LIN7A: variants seen among roughly 807,000 people sequenced by gnomAD.
LIN7A encodes the protein lin-7 cell polarity scaffold A.
LIN7A carries 25 observed loss-of-function variants against 29.8 expected under a neutral mutation model. That is an observed-to-expected ratio of 0.84 (90% CI 0.61 to 1.17). The LOEUF is 1.17. Ranked by LOEUF, LIN7A falls within the 50% of genes most tolerant of loss-of-function variation. The pLI, the probability that LIN7A is intolerant of heterozygous loss-of-function variation, is 0.00. For synonymous variants in LIN7A, 118 were observed against 107.5 expected, an observed-to-expected ratio of 1.10 and a Z score of -0.60; for missense variants, 239 against 287.0, an observed-to-expected ratio of 0.83 and a Z score of 1.21.
At chr12:80,826,814 C>T (rs1231586125) in intron 4 of LIN7A, among the ~76,000 whole-genome samples, 1 of 152,090 alleles carries the variant, frequency 6.6e-6, no homozygotes, top group African/African-American at 2.4e-5. Context: ...TGAGCCACCA[C>T]CCCTGGCTGA....
At chr12:80,935,064 A>T (rs1305078899) in intron 1 of LIN7A, among the ~76,000 whole-genome samples, 8 of 152,174 alleles carry the variant, frequency 5.3e-5, no homozygotes, top group African/African-American at 1.9e-4. Context: ...CTAGGAAATC[A>T]CTATATTTTA....
At chr12:80,842,623 T>C (rs1872874732) in intron 4 of LIN7A, among the ~76,000 whole-genome samples, 2 of 129,704 alleles carry the variant, frequency 1.5e-5, no homozygotes, top group South Asian at 4.6e-4. Flanking sequence ...GGCCTTTCCA[T>C]TACAGATTTT....
chr12:80,934,006 C>A (rs1234275554), intron 1 of LIN7A, among the ~76,000 whole-genome samples: 1 of 152,064 alleles, frequency 6.6e-6, no homozygotes, highest in Non-Finnish European at 1.5e-5. Flanking sequence ...GTCTGGTGCA[C>A]AATATTTATT....
intron 1 of LIN7A, among the ~76,000 whole-genome samples, chr12:80,913,170 A>C (rs971807666): frequency 6.6e-6 from 1 of 152,204 alleles, no homozygotes; most frequent in Non-Finnish European, 1.5e-5. Context: ...GACCTTGAAA[A>C]TGCATCTACA....
At chr12:80,862,842 T>C (rs145616206) in intron 2 of LIN7A, among the ~76,000 whole-genome samples, 1 of 152,284 alleles carries the variant, frequency 6.6e-6, no homozygotes, top group African/African-American at 2.4e-5. Context: ...GTGCATACAT[T>C]AGATGACTCA....
chr12:80,864,611 G>A (rs1012677086), intron 2 of LIN7A, among the ~76,000 whole-genome samples: 1 of 152,100 alleles, frequency 6.6e-6, no homozygotes, highest in Non-Finnish European at 1.5e-5. Flanking sequence ...TAGCAGAGAT[G>A]CTAACTCATT....
In LIN7A at chr12:80,794,933, G is replaced by A. The variant is rs1385238958; in HGVS notation, c.*2794C>T. 1 of 151,992 alleles carries A rather than the reference G, an allele frequency of 6.6e-6. No homozygotes were observed. Among genetic ancestry groups the A allele is most frequent in the Non-Finnish European group, 1.5e-5 (1 of 67,958 alleles). The allele number at this position is 151,992 out of a possible 1,614,324, so 9.4% of individuals were successfully genotyped here. The stretch of plus-strand genomic sequence containing the variant: ...GTATTTGCCTTCAAAATCATAGCAG[G>A]AAAAAGTTTAGAAAAATCTATCCCA... On this transcript the variant is annotated 3_prime_UTR_variant, in exon 6 of 6. Coordinates refer to ENST00000552864, the MANE Select transcript of LIN7A (RefSeq NM_004664.4).
rs59507364 is a variant in LIN7A at position 80,869,748 on chromosome 12, G to GT, written c.201+19502dup. Among the ~76,000 whole-genome samples the GT allele has an allele frequency of 3.3e-3, 487 of 146,472 alleles. 1 individual carries two copies. The highest frequency in any genetic ancestry group is 9.2e-3 in the South Asian group (42 of 4,588). Reference sequence around the variant, plus strand: ...ATAACTCAACCACATTACGCCAATGGTTTTTTTTTTTTTCTTTTTTTGCAA... The same window carrying GT: ...ATAACTCAACCACATTACGCCAATGGTTTTTTTTTTTTTTCTTTTTTTGCAA... On this transcript the variant is annotated intron_variant, in intron 2 of 5. Coordinates refer to ENST00000552864, the MANE Select transcript of LIN7A (RefSeq NM_004664.4).
chr12:80,815,097 C>T (rs1384287862), intron 4 of LIN7A, among the ~76,000 whole-genome samples: 1 of 152,104 alleles, frequency 6.6e-6, no homozygotes, highest in Non-Finnish European at 1.5e-5. Context: ...AGAAGCATAT[C>T]TTGTCTTAAG....
chr12:80,893,512 G>A lies in LIN7A; in HGVS notation c.83-4143C>T, dbSNP rs542433837. ...GTCTCCATTAAGACTTATAAAAGCTGAGCCAACCCTTTTCTATTACACCAC... is the reference window on the plus strand; with the variant it reads ...GTCTCCATTAAGACTTATAAAAGCTAAGCCAACCCTTTTCTATTACACCAC... On this transcript the variant is annotated intron_variant, in intron 1 of 5. Transcript: ENST00000552864. Among the ~76,000 whole-genome samples the A allele has an allele frequency of 2.6e-5, 4 of 152,272 alleles. No homozygotes were observed. In the South Asian group the frequency reaches 8.3e-4, roughly 32 times the overall value.
At chr12:80,827,304 G>A (rs111644446) in intron 4 of LIN7A, among the ~76,000 whole-genome samples, 2,679 of 152,110 alleles carry the variant, frequency 0.018, 63 homozygotes, top group African/African-American at 0.061. Flanking sequence ...GGAGAATGGC[G>A]TGAACCCGGG....
At chr12:80,869,414 G>C (rs568638465) in intron 2 of LIN7A, among the ~76,000 whole-genome samples, 1 of 152,160 alleles carries the variant, frequency 6.6e-6, no homozygotes, top group Non-Finnish European at 1.5e-5. Flanking sequence ...CAAACTGCCT[G>C]GTTGGATTGC....
intron 1 of LIN7A, among the ~76,000 whole-genome samples, chr12:80,907,055 C>CTGTGTGTGTG (rs529376132): frequency 7.4e-4 from 107 of 145,374 alleles, no homozygotes; most frequent in African/African-American, 1.2e-3. Flanking sequence ...AGTGCGTGCT[C>CTGTGTGTGTG]TGTGTGTGTG....
chr12:80,894,376 C>T (rs1875777704), intron 1 of LIN7A, among the ~76,000 whole-genome samples: 1 of 152,110 alleles, frequency 6.6e-6, no homozygotes, highest in African/African-American at 2.4e-5. Flanking sequence ...TATTGTCTGC[C>T]ACCTCTGATG....
chr12:80,816,375 C>T (rs1871534675), intron 4 of LIN7A, among the ~76,000 whole-genome samples: 1 of 151,262 alleles, frequency 6.6e-6, no homozygotes, highest in Non-Finnish European at 1.5e-5. Context: ...TGTGTCACTG[C>T]ACTCTAGCCT....
chr12:80,827,080 A>G (rs1184841177), intron 4 of LIN7A, among the ~76,000 whole-genome samples: 1 of 152,136 alleles, frequency 6.6e-6, no homozygotes, highest in Non-Finnish European at 1.5e-5. Flanking sequence ...CATATATGCA[A>G]AATGGCATTA....
At chr12:80,799,256 A>G (rs758590728) in intron 5 of LIN7A, among the ~76,000 whole-genome samples, 2 of 152,306 alleles carry the variant, frequency 1.3e-5, no homozygotes, top group East Asian at 3.9e-4. Context: ...CATGATTTAT[A>G]ATTTAACTGA....
Position 80,813,027 on chromosome 12 carries a change from T to C in LIN7A, c.484-1344A>G, listed in dbSNP as rs1451034009. 2.0e-5 allele frequency among the ~76,000 whole-genome samples: 3 copies of C among 152,188 alleles called. No homozygotes were observed. The East Asian group carries it at 5.8e-4, about 29-fold the overall frequency. ...AATAAATATACAGATATATTTTTTT[T>C]TGAGACGGAGTCTTGCTCTGTTGCC... On this transcript the variant is annotated intron_variant, in intron 4 of 5. Coordinates refer to ENST00000552864, the MANE Select transcript of LIN7A (RefSeq NM_004664.4).
chr12:80,909,421 T>C (rs961165014), intron 1 of LIN7A, among the ~76,000 whole-genome samples: 10 of 152,208 alleles, frequency 6.6e-5, no homozygotes, highest in Admixed American at 5.9e-4. Flanking sequence ...TCTGTCTTAG[T>C]CCATTGAGGC....
Sources: gnomAD v4.1 joint callset for allele counts (sites outside exome capture counted in the v4.1 genomes callset) on GRCh38, gnomAD v4.1.1 for gene constraint, MANE v1.5 for transcripts, NCBI Gene and HGNC (gene_info 2026-07-23, HGNC 2026-07-21) for gene names.